Variants in NPAS2 observed in about 807,000 individuals in gnomAD.
NPAS2 encodes the protein neuronal PAS domain protein 2.
In NPAS2, 23 loss-of-function variants were observed where a neutral mutation model predicts 107.5. The ratio of observed to expected loss-of-function variants is 0.21; its 90% CI spans 0.15 to 0.30. NPAS2 has a LOEUF of 0.30. Ranked by LOEUF, NPAS2 falls within the 10% of genes least tolerant of loss-of-function variation. The probability of loss-of-function intolerance (pLI) is 1.00; values close to 1 mark genes in which losing one functional copy is unlikely to be tolerated. For synonymous variants in NPAS2, 403 were observed against 417.5 expected, an observed-to-expected ratio of 0.97 and a Z score of 0.42; for missense variants, 756 against 1,043.3, an observed-to-expected ratio of 0.72 and a Z score of 3.79.
intron 1 of NPAS2, among the ~76,000 whole-genome samples, chr2:100,904,517 C>T (rs1682006231): frequency 6.6e-6 from 1 of 152,126 alleles, no homozygotes; most frequent in African/African-American, 2.4e-5. Flanking sequence ...GAAAGAGTGC[C>T]TGTGCATTTA....
upstream of NPAS2, among the ~76,000 whole-genome samples, chr2:100,819,503 C>G (rs1675923592): frequency 6.6e-6 from 1 of 152,262 alleles, no homozygotes; most frequent in East Asian, 1.9e-4. The surrounding 1 kb of genome is among the most constrained non-coding windows in gnomAD (Gnocchi z 5.8). Context: ...ACCCCCGCCG[C>G]TCATTGAGAA....
Position 100,937,714 on chromosome 2 carries a change from G to A in NPAS2, c.274-39G>A, listed in dbSNP as rs768630553. The A allele has an allele frequency of 1.1e-4, 149 of 1,413,284 alleles. 2 individuals are homozygous for A. In the South Asian group the frequency reaches 1.3e-3, roughly 12 times the overall value. The allele number at this position is 1,413,284 out of a possible 1,614,324, so 87.5% of individuals were successfully genotyped here. A position where few individuals can be genotyped will look rare whatever the true frequency, so the allele number is the denominator to read the frequency against. On this transcript the variant is annotated intron_variant, in intron 4 of 20. Transcript: ENST00000335681. ...ATCAGTGACATGCTCCTCCATAAAC[G>A]CATTGCTAAGGAGCTTTCAAATGTT... is the stretch of plus-strand genomic sequence containing the variant.
At chr2:100,906,190 A>G (rs1389710499) in intron 2 of NPAS2, among the ~76,000 whole-genome samples, 1 of 152,218 alleles carries the variant, frequency 6.6e-6, no homozygotes, top group East Asian at 1.9e-4. Context: ...TTTACTTGGC[A>G]TTGGGACCCA....
At chr2:100,818,769 C>T (rs1675875226), upstream of NPAS2, among the ~76,000 whole-genome samples, 1 of 152,248 alleles carries the variant, frequency 6.6e-6, no homozygotes, top group African/African-American at 2.4e-5. Flanking sequence ...GAAAAGGCTG[C>T]CACGCTCGGA....
At chr2:100,944,231 C>G (rs1358969906) in intron 5 of NPAS2, among the ~76,000 whole-genome samples, 3 of 152,186 alleles carry the variant, frequency 2.0e-5, no homozygotes, top group Non-Finnish European at 4.4e-5. Flanking sequence ...GGCTGCTCAC[C>G]ATTGCCTCTT....
chr2:100,826,616 A>G (rs950379609), intron 1 of NPAS2, among the ~76,000 whole-genome samples: 2 of 152,234 alleles, frequency 1.3e-5, no homozygotes, highest in South Asian at 4.1e-4. Context: ...ATCCCTATTA[A>G]TAAATAATCT....
intron 1 of NPAS2, among the ~76,000 whole-genome samples, chr2:100,861,415 C>T (rs745982604): frequency 1.3e-5 from 2 of 152,074 alleles, no homozygotes; most frequent in Non-Finnish European, 2.9e-5. Context: ...AAGCTGGAAC[C>T]GACAGAATTG....
At chr2:100,883,269 A>T (rs140417661) in intron 1 of NPAS2, among the ~76,000 whole-genome samples, 2 of 152,352 alleles carry the variant, frequency 1.3e-5, no homozygotes, top group African/African-American at 4.8e-5. Context: ...AGATGTTGTC[A>T]TCAGTGACTG....
intron 7 of NPAS2, among the ~76,000 whole-genome samples, chr2:100,952,342 A>G (rs1171037567): frequency 6.6e-6 from 1 of 152,000 alleles, no homozygotes; most frequent in African/African-American, 2.4e-5. Context: ...CTTCGGGCAG[A>G]TCACCTGAGG....
chr2:100,896,143 C>G (rs1357812850), intron 1 of NPAS2, among the ~76,000 whole-genome samples: 1 of 152,154 alleles, frequency 6.6e-6, no homozygotes, highest in Non-Finnish European at 1.5e-5. Flanking sequence ...GCACACATAC[C>G]TGTGACCTGC....
intron 1 of NPAS2, among the ~76,000 whole-genome samples, chr2:100,895,189 A>T (rs1681326253): frequency 6.6e-6 from 1 of 152,232 alleles, no homozygotes. Context: ...GTTGGGCTTA[A>T]GTACCAGTTT....
chr2:100,903,754 G>A (rs1315054354), intron 1 of NPAS2, among the ~76,000 whole-genome samples: 1 of 152,118 alleles, frequency 6.6e-6, no homozygotes, highest in Non-Finnish European at 1.5e-5. Flanking sequence ...CACTCCCACA[G>A]CTGGCATTGG....
At chr2:100,992,590 A>G (rs1363017303) in intron 19 of NPAS2, among the ~76,000 whole-genome samples, 1 of 152,150 alleles carries the variant, frequency 6.6e-6, no homozygotes, top group Admixed American at 6.5e-5. Context: ...ATGTGAAGTT[A>G]CTTCCTGGTT....
At position 100,847,787 on chromosome 2, in the gene NPAS2, T is replaced by C. The variant is rs185867326; in HGVS notation, c.-23+27373T>C. ...CTAGCACGTTAATGTTCTGTGTTGA[T>C]GACACATGTAATCAGAACGCCTTCG... is the stretch of plus-strand genomic sequence containing the variant. On this transcript the variant is annotated intron_variant, in intron 1 of 20. Coordinates refer to ENST00000335681, the MANE Select transcript of NPAS2 (RefSeq NM_002518.4). Among the ~76,000 whole-genome samples the C allele has an allele frequency of 5.3e-5, 8 of 152,328 alleles. No homozygotes were observed. In the East Asian group the frequency reaches 5.8e-4, roughly 11 times the overall value.
chr2:100,990,082 A>G, intron 17 of NPAS2, 174 bp from the exon 18 acceptor site: 1 of 677,024 alleles, frequency 1.5e-6, no homozygotes, highest in Non-Finnish European at 2.6e-6. Flanking sequence ...CAAGGGATTC[A>G]AATACAATCC....
chr2:100,901,600 A>C (rs1681783496), intron 1 of NPAS2: 1 of 965,236 alleles, frequency 1.0e-6, no homozygotes, highest in African/African-American at 1.8e-5. Flanking sequence ...AGGAGATCAG[A>C]GGGTGGGTGG....
chr2:100,958,618 G>A (rs1168071209), intron 7 of NPAS2, among the ~76,000 whole-genome samples: 3 of 152,122 alleles, frequency 2.0e-5, no homozygotes, highest in African/African-American at 4.8e-5. Context: ...GACACCTGGG[G>A]TTCATATTAA....
intron 13 of NPAS2, 159 bp from the exon 14 acceptor site, chr2:100,975,299 G>T: frequency 1.5e-6 from 1 of 689,650 alleles, no homozygotes. Flanking sequence ...TCCCAGGCTG[G>T]GCTTCTGTGG....
chr2:100,863,931 T>A (rs2104540561), intron 1 of NPAS2, among the ~76,000 whole-genome samples: 1 of 152,312 alleles, frequency 6.6e-6, no homozygotes, highest in African/African-American at 2.4e-5. Context: ...CACACCTTAA[T>A]TTGTCACGCT....
Sources: allele counts gnomAD v4.1 joint callset (sites outside exome capture counted in the v4.1 genomes callset), GRCh38; gene constraint gnomAD v4.1.1; non-coding constraint Gnocchi (gnomAD v3.1); transcripts MANE v1.5; gene names NCBI Gene and HGNC (gene_info 2026-07-23, HGNC 2026-07-21).